Variants in VAMP8 observed in about 807,000 individuals in gnomAD.
VAMP8 encodes the protein vesicle-associated membrane protein 8.
A neutral mutation model predicts 11.4 loss-of-function variants in VAMP8; 9 were observed. The observed-to-expected ratio is 0.79, with a 90% CI of 0.48 to 1.38. The LOEUF is 1.38. Ranked by LOEUF, VAMP8 falls within the 40% of genes most tolerant of loss-of-function variation. VAMP8 has a pLI of 0.00. For synonymous variants in VAMP8, 42 were observed against 44.7 expected (o/e 0.94, Z 0.24); for missense variants, 108 against 127.8 (o/e 0.85, Z 0.75).
At chr2:85,579,655 G>A in intron 2 of VAMP8, 1 of 1,497,440 alleles carries the variant, frequency 6.7e-7, no homozygotes, top group Non-Finnish European at 8.9e-7. Context: ...GCAGTGAAAT[G>A]CTTTGATCCC....
chr2:85,580,277 A>G (rs1020149086), intron 2 of VAMP8, among the ~76,000 whole-genome samples: 76 of 152,056 alleles, frequency 5.0e-4, no homozygotes, highest in Non-Finnish European at 8.8e-5. Flanking sequence ...TAGTGTCTAT[A>G]ACTTGAATTG....
intron 2 of VAMP8, among the ~76,000 whole-genome samples, chr2:85,581,047 T>G (rs1573346541): frequency 6.6e-6 from 1 of 152,120 alleles, no homozygotes; most frequent in Admixed American, 6.6e-5. Context: ...CTGAACGTGG[T>G]GGCATGTGCC....
At position 85,579,173 on chromosome 2, in the gene VAMP8, A is replaced by C; in HGVS notation, c.162+6A>C. The stretch of plus-strand genomic sequence containing the variant: ...CAGAGGATCTGGAAGCCACAGTGAG[A>C]CAGGGAGCCCACTGGGGGCTGGAGG... On this transcript the variant is annotated splice_donor_region_variant and intron_variant, in intron 2 of 2. Coordinates refer to ENST00000263864, the MANE Select transcript of VAMP8 (RefSeq NM_003761.5). 6.3e-7 allele frequency: 1 copy of C among 1,583,368 alleles called. No individual in the cohort carries two copies. The highest frequency in any genetic ancestry group is 8.6e-7 in the Non-Finnish European group (1 of 1,160,232).
At position 85,581,707 on chromosome 2, in the gene VAMP8, CT is replaced by C; in HGVS notation, c.296del (p.Phe99SerfsTer4). ...TCATTGTGCTCTTTGCCACTGGTGC[CT>C]TCTCTTAAGTAACAGGGAACCTCTC... ...LFIVLFATGA[F>X]S is the part of the protein sequence containing the mutation. On this transcript the variant is annotated frameshift_variant, in exon 3 of 3. Transcript: ENST00000263864. LOFTEE classifies it high-confidence loss of function. The C allele has an allele frequency of 1.9e-6, 3 of 1,614,154 alleles. No individual in the cohort carries two copies. The highest frequency in any genetic ancestry group is 1.7e-6 in the Non-Finnish European group (2 of 1,180,022).
Position 85,581,272 on chromosome 2 carries a change from G to A in VAMP8, c.163-304G>A, listed in dbSNP as rs552582287. ...AGGCGAGTGGATCACCTGAGGTCAG[G>A]AGTTCAAGACCAGCCTGGCCAACAT... On this transcript the variant is annotated intron_variant, in intron 2 of 2. Coordinates refer to ENST00000263864, the MANE Select transcript of VAMP8 (RefSeq NM_003761.5). 1.8e-4 allele frequency among the ~76,000 whole-genome samples: 27 copies of A among 152,208 alleles called. 1 individual carries two copies. The South Asian group carries it at 5.6e-3, about 32-fold the overall frequency.
At chr2:85,579,591 G>C in intron 2 of VAMP8, 1 of 1,298,298 alleles carries the variant, frequency 7.7e-7, no homozygotes, top group Middle Eastern at 2.6e-4. Context: ...TTAGACAAGG[G>C]GTGGGAAATT....
Position 85,581,787 on chromosome 2 carries a change from C to T in VAMP8, c.*71C>T. 1 of 1,585,450 alleles carries T rather than the reference C, an allele frequency of 6.3e-7. No homozygotes were observed. The highest frequency in any genetic ancestry group is 8.6e-7 in the Non-Finnish European group (1 of 1,160,762). ...CTCCATAAATGTGTGCCAAGAGGGT[C>T]TCCTTTCCTGTCTTCCTCTACAGAG... On this transcript the variant is annotated 3_prime_UTR_variant, in exon 3 of 3. Coordinates refer to ENST00000263864, the MANE Select transcript of VAMP8 (RefSeq NM_003761.5).
At chr2:85,579,764 T>A (rs1672338672) in intron 2 of VAMP8, 1 of 1,550,776 alleles carries the variant, frequency 6.4e-7, no homozygotes. Context: ...GCCAGCTGTT[T>A]CAGGGAGGAA....
chr2:85,581,589 A>G lies in VAMP8; in HGVS notation c.176A>G (p.Lys59Arg), dbSNP rs1427292926. 20 of 1,614,178 alleles carry G rather than the reference A, an allele frequency of 1.2e-5. No individual in the cohort carries two copies. The highest frequency in any genetic ancestry group is 1.7e-5 in the Non-Finnish European group (20 of 1,180,036). ...TTTCCCCAACAGTCTGAGCACTTCA[A>G]GACGACATCGCAGAAGGTGGCTCGA... Reference protein sequence around the residue: ...EDLEATSEHFKTTSQKVARKF... With the variant: ...EDLEATSEHFRTTSQKVARKF... The change falls in exon 3 of 3, where the codon AAG becomes AGG. Residue 59 changes from lysine to arginine, a missense_variant. Physicochemically the swap from Lys to Arg is conservative, Grantham distance 26 (BLOSUM62 2). Transcript: ENST00000263864.
Position 85,581,632 on chromosome 2 carries a change from C to G in VAMP8, c.219C>G (p.Asn73Lys). The change falls in exon 3 of 3, where the codon AAC (asparagine) becomes AAG (lysine). Residue 73 changes from asparagine (N) to lysine (K), a missense_variant. Coordinates refer to ENST00000263864, the MANE Select transcript of VAMP8 (RefSeq NM_003761.5). ...QKVARKFWWK[N>K]VKMIVLICVI... is the part of the protein sequence containing the mutation. ...TGGCTCGAAAATTCTGGTGGAAGAA[C>G]GTGAAGATGATTGTCCTTATCTGCG... is the stretch of plus-strand genomic sequence containing the variant. 6.2e-7 allele frequency: 1 copy of G among 1,614,170 alleles called. No individual in the cohort carries two copies. Among genetic ancestry groups the G allele is most frequent in the South Asian group, 1.1e-5 (1 of 91,076 alleles).
chr2:85,581,646 T>G lies in VAMP8; in HGVS notation c.233T>G (p.Val78Gly). The change falls in exon 3 of 3, where the codon GTC becomes GGC. Residue 78 changes from valine to glycine, a missense_variant. Transcript: ENST00000263864. ...KFWWKNVKMI[V>G]LICVIVFIII... Reference sequence around the variant, plus strand: ...TGGTGGAAGAACGTGAAGATGATTGTCCTTATCTGCGTGATTGTTTTTATC... The same window carrying G: ...TGGTGGAAGAACGTGAAGATGATTGGCCTTATCTGCGTGATTGTTTTTATC... 2 of 1,614,186 alleles carry G rather than the reference T, an allele frequency of 1.2e-6. No individual in the cohort carries two copies. Among genetic ancestry groups the G allele is most frequent in the Non-Finnish European group, 1.7e-6 (2 of 1,180,044 alleles).
chr2:85,577,880 A>G (rs543538618), intron 1 of VAMP8, among the ~76,000 whole-genome samples: 1 of 152,046 alleles, frequency 6.6e-6, no homozygotes, highest in African/African-American at 2.4e-5. Context: ...GCTGGTGGGG[A>G]GCTGGGCTTC....
intron 2 of VAMP8, chr2:85,579,707 A>G: frequency 6.5e-7 from 1 of 1,547,962 alleles, no homozygotes; most frequent in Non-Finnish European, 8.7e-7. Context: ...TATCTCCCAC[A>G]CATCTTGCTA....
In VAMP8 at chr2:85,581,632, C is replaced by T. The variant is rs760757148; in HGVS notation, c.219C>T (p.Asn73=). The T allele has an allele frequency of 2.5e-6, 4 of 1,614,052 alleles. No individual in the cohort carries two copies. The highest frequency in any genetic ancestry group is 2.7e-5 in the African/African-American group (2 of 74,916). ...TGGCTCGAAAATTCTGGTGGAAGAA[C>T]GTGAAGATGATTGTCCTTATCTGCG... ...QKVARKFWWK[N]VKMIVLICVI... Residue 73 remains asparagine, a synonymous_variant, in exon 3 of 3, where the codon AAC becomes AAT. Coordinates refer to ENST00000263864, the MANE Select transcript of VAMP8 (RefSeq NM_003761.5).
intron 1 of VAMP8, 52 bp from the exon 2 acceptor site, chr2:85,578,957 A>G: frequency 6.4e-7 from 1 of 1,568,532 alleles, no homozygotes; most frequent in South Asian, 1.2e-5. Flanking sequence ...TCTGAGCCCA[A>G]GTCTCCAGTT....
intron 1 of VAMP8, among the ~76,000 whole-genome samples, chr2:85,577,960 C>G (rs541230011): frequency 6.6e-6 from 1 of 152,148 alleles, no homozygotes; most frequent in Non-Finnish European, 1.5e-5. Context: ...CCAGGGAGCC[C>G]GAGGCGGGTG....
At position 85,581,964 on chromosome 2, in the gene VAMP8, G is replaced by C. The variant is rs1219304982; in HGVS notation, c.*248G>C. ...CCTTAGAGTGGGCTGGAGAGACCTA[G>C]AGGGCCCAGCATGTGGCTGGGAAAC... On this transcript the variant is annotated 3_prime_UTR_variant, in exon 3 of 3. Transcript: ENST00000263864. The C allele has an allele frequency of 1.2e-5, 6 of 500,658 alleles. No individual in the cohort carries two copies. The East Asian group carries it at 2.1e-4, about 17-fold the overall frequency. The allele number at this position is 500,658 out of a possible 1,614,324, so 31.0% of individuals were successfully genotyped here.
chr2:85,578,466 G>T (rs1261366933), intron 1 of VAMP8, among the ~76,000 whole-genome samples: 1 of 152,216 alleles, frequency 6.6e-6, no homozygotes, highest in Non-Finnish European at 1.5e-5. Flanking sequence ...ATACTTGGTT[G>T]CCTGTTGTTC....
At position 85,582,031 on chromosome 2, in the gene VAMP8, A is replaced by G. The variant is rs953744495; in HGVS notation, c.*315A>G. The G allele has an allele frequency of 3.6e-6, 1 of 277,088 alleles. No individual in the cohort carries two copies. The highest frequency in any genetic ancestry group is 6.9e-5 in the East Asian group (1 of 14,586). 17.2% of individuals were successfully genotyped at this position (277,088 alleles called of 1,614,324 possible). A position where few individuals can be genotyped will look rare whatever the true frequency, so the allele number is the denominator to read the frequency against. ...GTAATAAAGACCTTTCAGTATCCCTATATGTGTGAGGCACTTTCTCTCTTC... is the reference window on the plus strand; with the variant it reads ...GTAATAAAGACCTTTCAGTATCCCTGTATGTGTGAGGCACTTTCTCTCTTC... On this transcript the variant is annotated 3_prime_UTR_variant, in exon 3 of 3. Transcript: ENST00000263864.
Sources: gnomAD v4.1 joint callset for allele counts (sites outside exome capture counted in the v4.1 genomes callset) on GRCh38, gnomAD v4.1.1 for gene constraint, MANE v1.5 for transcripts, NCBI Gene and HGNC (gene_info 2026-07-23, HGNC 2026-07-21) for gene names.